TRAM1: variants seen among roughly 807,000 people sequenced by gnomAD.
The protein encoded by TRAM1 is translocating chain-associated membrane protein 1.
Under a neutral mutation model 48.7 loss-of-function variants are expected in TRAM1, and 17 were observed. The observed-to-expected ratio is 0.35, with a 90% CI of 0.24 to 0.52. The LOEUF is 0.52. Ranked by LOEUF, TRAM1 falls within the 20% of genes least tolerant of loss-of-function variation. The probability of loss-of-function intolerance (pLI) is 0.94; values close to 1 mark genes in which losing one functional copy is unlikely to be tolerated. For synonymous variants in TRAM1, 182 were observed against 154.0 expected (o/e 1.18, Z -1.34); for missense variants, 351 against 441.5 (o/e 0.79, Z 1.84).
At chr8:70,581,541 AG>A (rs2132026114) in intron 10 of TRAM1, among the ~76,000 whole-genome samples, 1 of 152,350 alleles carries the variant, frequency 6.6e-6, no homozygotes, top group South Asian at 2.1e-4. Flanking sequence ...ACCACTTCAA[AG>A]AACAGTTTGG....
intron 10 of TRAM1, among the ~76,000 whole-genome samples, chr8:70,578,655 CAGAGGGCTT>C (rs918914863): frequency 8.3e-4 from 126 of 152,278 alleles, no homozygotes; most frequent in African/African-American, 2.9e-3. Flanking sequence ...GACTCTAGGT[CAGAGGGCTT>C]AGTTGGTGAA....
At chr8:70,589,984 A>G (rs1005188392) in intron 6 of TRAM1, among the ~76,000 whole-genome samples, 2 of 152,176 alleles carry the variant, frequency 1.3e-5, no homozygotes, top group African/African-American at 2.4e-5. Flanking sequence ...TAGGTATAAA[A>G]AATATTGCCA....
At chr8:70,602,435 T>C (rs1294485071) in intron 1 of TRAM1, among the ~76,000 whole-genome samples, 1 of 152,172 alleles carries the variant, frequency 6.6e-6, no homozygotes, top group African/African-American at 2.4e-5. Context: ...GATGGAGGCA[T>C]ATGACAGGGA....
At chr8:70,575,071 G>A (rs1322423063) in intron 10 of TRAM1, 66 bp from the exon 11 acceptor site, 27 of 1,118,076 alleles carry the variant, frequency 2.4e-5, no homozygotes, top group Non-Finnish European at 3.2e-5. Context: ...ATCTTTATAT[G>A]TAAAGATACC....
chr8:70,580,512 T>C (rs1329786754), intron 10 of TRAM1, among the ~76,000 whole-genome samples: 1 of 152,108 alleles, frequency 6.6e-6, no homozygotes, highest in Non-Finnish European at 1.5e-5. Flanking sequence ...CAACCTTCCA[T>C]GATAAAAACA....
At chr8:70,593,998 C>T (rs1032936874) in intron 6 of TRAM1, among the ~76,000 whole-genome samples, 3 of 152,154 alleles carry the variant, frequency 2.0e-5, no homozygotes, top group Admixed American at 2.0e-4. Flanking sequence ...ATCCTTTCCA[C>T]ATGCTAAAAA....
At chr8:70,588,021 A>C (rs1817264369) in intron 6 of TRAM1, among the ~76,000 whole-genome samples, 1 of 152,120 alleles carries the variant, frequency 6.6e-6, no homozygotes, top group South Asian at 2.1e-4. Flanking sequence ...GTTCGAGATC[A>C]ACCTGGGCAA....
In TRAM1 at chr8:70,587,147, A is replaced by G; in HGVS notation, c.600T>C (p.Ile200=). The G allele has an allele frequency of 1.2e-6, 2 of 1,613,984 alleles. No homozygotes were observed. The highest frequency in any genetic ancestry group is 1.7e-6 in the Non-Finnish European group (2 of 1,179,912). The change falls in exon 7 of 11, where the codon ATT becomes ATC. Residue 200 remains isoleucine (I), a synonymous_variant. Coordinates refer to ENST00000262213, the MANE Select transcript of TRAM1 (RefSeq NM_014294.6). ...KEDIPRQLVY[I]GLYLFHIAGA... ...CAGCAATGTGGAAGAGGTAAAGACC[A>G]ATGTAGACAAGCTGACGAGGAATAT...
chr8:70,599,338 A>G (rs1817557251), intron 2 of TRAM1, among the ~76,000 whole-genome samples: 1 of 152,182 alleles, frequency 6.6e-6, no homozygotes, highest in South Asian at 2.1e-4. Flanking sequence ...ATATTATCTT[A>G]CATTCTAAAT....
intron 10 of TRAM1, among the ~76,000 whole-genome samples, chr8:70,579,777 A>G (rs919961874): frequency 6.6e-6 from 1 of 152,190 alleles, no homozygotes; most frequent in Non-Finnish European, 1.5e-5. Context: ...TCTCCCTCTT[A>G]TATGAGGAAC....
chr8:70,606,554 G>C (rs757343829), intron 1 of TRAM1, among the ~76,000 whole-genome samples: 2 of 152,166 alleles, frequency 1.3e-5, no homozygotes, highest in African/African-American at 4.8e-5. Context: ...AAATGGCTGT[G>C]AGGAGAACAG....
intron 10 of TRAM1, among the ~76,000 whole-genome samples, chr8:70,581,369 A>G (rs1173167869): frequency 6.6e-6 from 1 of 152,256 alleles, no homozygotes; most frequent in African/African-American, 2.4e-5. Context: ...ATAAGAATCG[A>G]CATACGAATA....
At chr8:70,589,836 C>T (rs1441898652) in intron 6 of TRAM1, among the ~76,000 whole-genome samples, 1 of 152,102 alleles carries the variant, frequency 6.6e-6, no homozygotes, top group Non-Finnish European at 1.5e-5. Context: ...TAGAGCAAGA[C>T]CTTGTCTCAA....
intron 1 of TRAM1, among the ~76,000 whole-genome samples, chr8:70,602,415 G>C (rs755159367): frequency 6.6e-6 from 1 of 152,180 alleles, no homozygotes; most frequent in African/African-American, 2.4e-5. Context: ...AGGATAGAAA[G>C]AGAATAACGG....
chr8:70,608,152 G>T lies in TRAM1; in HGVS notation c.48C>A (p.His16Gln). 1 of 1,600,196 alleles carries T rather than the reference G, an allele frequency of 6.2e-7. No individual in the cohort carries two copies. The highest frequency in any genetic ancestry group is 8.5e-7 in the Non-Finnish European group (1 of 1,174,200). ...CCGCGTGATTCTGCAGGACGAATTC[G>T]TGGCTCAGCACTGGGGGGCTCTTGG... ...KSTKSPPVLSHEFVLQNHADI... is the reference protein window; with the variant it reads ...KSTKSPPVLSQEFVLQNHADI... Residue 16 changes from histidine (H) to glutamine (Q), a missense_variant, in exon 1 of 11, where the codon CAC (histidine) becomes CAA (glutamine). Coordinates refer to ENST00000262213, the MANE Select transcript of TRAM1 (RefSeq NM_014294.6).
At chr8:70,583,838 C>A in intron 8 of TRAM1, 45 bp from the exon 9 acceptor site, 1 of 1,519,560 alleles carries the variant, frequency 6.6e-7, no homozygotes. Context: ...ATCTCAAAAA[C>A]AAGATTCTAT....
chr8:70,608,322 G>T lies in TRAM1; in HGVS notation c.-123C>A. ...CGGCCCCGCTGCAGCCGCTCGCTGGGGCTTCACTTCCCATCCCACAGCCAG... is the reference window on the plus strand; with the variant it reads ...CGGCCCCGCTGCAGCCGCTCGCTGGTGCTTCACTTCCCATCCCACAGCCAG... On this transcript the variant is annotated 5_prime_UTR_variant, in exon 1 of 11. Coordinates refer to ENST00000262213, the MANE Select transcript of TRAM1 (RefSeq NM_014294.6). 7.5e-7 allele frequency: 1 copy of T among 1,335,352 alleles called. No homozygotes were observed. 82.7% of individuals were successfully genotyped at this position (1,335,352 alleles called of 1,614,324 possible).
At position 70,588,315 on chromosome 8, in the gene TRAM1, A is replaced by C. The variant is rs141813264; in HGVS notation, c.571-1139T>G. 3.6e-4 allele frequency among the ~76,000 whole-genome samples: 55 copies of C among 152,266 alleles called. No homozygotes were observed. In the East Asian group the frequency reaches 5.2e-3, roughly 14 times the overall value. On this transcript the variant is annotated intron_variant, in intron 6 of 10. Transcript: ENST00000262213. ...AAAATAGAAAATGTGGCCAGGCACC[A>C]TGACTCACACTTGTCATCCCAGCAC...
rs1817766304 is a variant in TRAM1, at chr8:70,607,511, C to G, written c.123+566G>C. 6 of 984,642 alleles carry G rather than the reference C, an allele frequency of 6.1e-6. No homozygotes were observed. The East Asian group carries it at 3.4e-4, about 56-fold the overall frequency. 61.0% of individuals were successfully genotyped at this position (984,642 alleles called of 1,614,324 possible). A position where few individuals can be genotyped will look rare whatever the true frequency, so the allele number is the denominator to read the frequency against. Reference sequence around the variant, plus strand: ...CAAGTCGAAAGCAGATGCCTGACTCCGGTTTCTCGCTCACCCCAATCTCGG... The same window carrying G: ...CAAGTCGAAAGCAGATGCCTGACTCGGGTTTCTCGCTCACCCCAATCTCGG... On this transcript the variant is annotated intron_variant, in intron 1 of 10. Transcript: ENST00000262213.
Sources: gnomAD v4.1 joint callset for allele counts (sites outside exome capture counted in the v4.1 genomes callset) on GRCh38, gnomAD v4.1.1 for gene constraint, MANE v1.5 for transcripts, NCBI Gene and HGNC (gene_info 2026-07-23, HGNC 2026-07-21) for gene names.